Variants in P3H2 observed in about 807,000 individuals in gnomAD.
P3H2 encodes the protein leprecan-like 1.
P3H2 carries 80 observed loss-of-function variants against 87.0 expected under a neutral mutation model. The observed-to-expected ratio is 0.92, with a 90% CI of 0.77 to 1.11. P3H2 has a LOEUF of 1.11. P3H2 is among the 50% of genes least tolerant of loss of function. P3H2 has a pLI of 0.00. For missense variants in P3H2, 1,001 were observed against 923.9 expected, an observed-to-expected ratio of 1.08 and a Z score of -1.08; for synonymous variants, 367 against 359.3, an observed-to-expected ratio of 1.02 and a Z score of -0.24.
intron 1 of P3H2, among the ~76,000 whole-genome samples, chr3:190,079,970 G>C (rs1726991079): frequency 6.6e-6 from 1 of 152,166 alleles, no homozygotes; most frequent in Non-Finnish European, 1.5e-5. Flanking sequence ...GACAGTGCTT[G>C]TACAATAAAA....
chr3:190,077,786 G>A (rs10937420), intron 1 of P3H2, among the ~76,000 whole-genome samples: 34,281 of 152,014 alleles, frequency 0.23, 4,053 homozygotes, highest in African/African-American at 0.29. Flanking sequence ...ATGCAACTAC[G>A]CAAGCCTGTG....
intron 1 of P3H2, among the ~76,000 whole-genome samples, chr3:190,055,962 G>A (rs895354705): frequency 1.1e-4 from 17 of 152,180 alleles, no homozygotes; most frequent in African/African-American, 3.6e-4. Context: ...TAACTTCAGC[G>A]TGGCTGTATT....
intron 13 of P3H2, chr3:189,969,846 T>A: frequency 2.0e-6 from 3 of 1,510,000 alleles, no homozygotes; most frequent in Non-Finnish European, 1.8e-6. Flanking sequence ...GCAGTGGTGG[T>A]GGTGCTTGAG....
At chr3:190,094,104 C>T (rs541940307) in intron 1 of P3H2, among the ~76,000 whole-genome samples, 2 of 152,290 alleles carry the variant, frequency 1.3e-5, no homozygotes, top group South Asian at 2.1e-4. Context: ...AAACCAGAAT[C>T]GAGAATGTGT....
At chr3:190,022,768 T>C (rs1724962595) in intron 1 of P3H2, among the ~76,000 whole-genome samples, 1 of 152,164 alleles carries the variant, frequency 6.6e-6, no homozygotes, top group Non-Finnish European at 1.5e-5. Context: ...AGGTGACTGC[T>C]GGTCCCCTCC....
At chr3:190,052,264 C>T (rs1726006931) in intron 1 of P3H2, among the ~76,000 whole-genome samples, 1 of 151,938 alleles carries the variant, frequency 6.6e-6, no homozygotes, top group African/African-American at 2.4e-5. Flanking sequence ...CCGACAAGCC[C>T]CGGTGTGTGA....
intron 1 of P3H2, among the ~76,000 whole-genome samples, chr3:190,095,802 C>T (rs1319297140): frequency 6.6e-6 from 1 of 152,008 alleles, no homozygotes; most frequent in African/African-American, 2.4e-5. Context: ...CGGGGTTTCA[C>T]CATGTTAGCC....
intron 1 of P3H2, among the ~76,000 whole-genome samples, chr3:190,024,550 A>G (rs1206433269): frequency 1.4e-3 from 206 of 149,084 alleles, no homozygotes; most frequent in African/African-American, 4.0e-3. Flanking sequence ...AAAAAAAAAA[A>G]AAAGAAAGAA....
chr3:189,969,994 T>G, intron 13 of P3H2: 1 of 596,748 alleles, frequency 1.7e-6, no homozygotes, highest in South Asian at 2.0e-5. Context: ...GACCAAAGGA[T>G]GCTAACTATA....
chr3:189,960,595 G>A (rs1018517809), intron 14 of P3H2, among the ~76,000 whole-genome samples: 3 of 151,998 alleles, frequency 2.0e-5, no homozygotes, highest in African/African-American at 7.3e-5. Context: ...CTCAAACCAC[G>A]CATTTGCTGC....
At chr3:190,063,803 G>T (rs1726409442) in intron 1 of P3H2, among the ~76,000 whole-genome samples, 2 of 152,102 alleles carry the variant, frequency 1.3e-5, no homozygotes, top group Non-Finnish European at 1.5e-5. Flanking sequence ...TGCAGAAAAA[G>T]ATGGGGAGCA....
chr3:189,968,795 C>T (rs59649266), intron 13 of P3H2, among the ~76,000 whole-genome samples: 18,573 of 152,030 alleles, frequency 0.12, 1,445 homozygotes, highest in Middle Eastern at 0.25. Flanking sequence ...TTCTAACTGG[C>T]GTGAGATGGT....
At chr3:190,085,622 T>C (rs2108982244) in intron 1 of P3H2, among the ~76,000 whole-genome samples, 1 of 152,344 alleles carries the variant, frequency 6.6e-6, no homozygotes, top group South Asian at 2.1e-4. Context: ...AGCTTATTTT[T>C]CATTGCTCAA....
chr3:189,967,579 CT>C (rs1243008583), intron 13 of P3H2, among the ~76,000 whole-genome samples: 10 of 151,294 alleles, frequency 6.6e-5, no homozygotes, highest in Non-Finnish European at 1.0e-4. Flanking sequence ...AAAATGCTTC[CT>C]ACACTCAAGC....
chr3:190,004,572 C>T (rs1448771465), intron 1 of P3H2, among the ~76,000 whole-genome samples: 1 of 151,974 alleles, frequency 6.6e-6, no homozygotes, highest in Admixed American at 6.6e-5. Flanking sequence ...TTAGTAGAGA[C>T]GGGGTTTCAC....
At chr3:190,106,327 G>A (rs567784874) in intron 1 of P3H2, among the ~76,000 whole-genome samples, 87 of 152,264 alleles carry the variant, frequency 5.7e-4, no homozygotes, top group Non-Finnish European at 1.1e-3. Context: ...GGAGAGGCAG[G>A]TAAGTCTGTG....
At chr3:190,065,503 C>G (rs562755773) in intron 1 of P3H2, among the ~76,000 whole-genome samples, 13 of 152,194 alleles carry the variant, frequency 8.5e-5, no homozygotes, top group African/African-American at 3.1e-4. Flanking sequence ...AGGAGTTTCT[C>G]TTTTACAACA....
chr3:189,961,660 A>C (rs563568669), intron 14 of P3H2, among the ~76,000 whole-genome samples: 1 of 152,336 alleles, frequency 6.6e-6, no homozygotes, highest in South Asian at 2.1e-4. Flanking sequence ...CGTGTAGCAA[A>C]GAATGATTCA....
chr3:190,031,414 A>G (rs1265214885), intron 1 of P3H2, among the ~76,000 whole-genome samples: 1 of 142,186 alleles, frequency 7.0e-6, no homozygotes, highest in Admixed American at 7.4e-5. Flanking sequence ...AAGACAGGCT[A>G]ATCACCTGAG....
Sources: gnomAD v4.1 joint callset for allele counts (sites outside exome capture counted in the v4.1 genomes callset) on GRCh38, gnomAD v4.1.1 for gene constraint, MANE v1.5 for transcripts, NCBI Gene and HGNC (gene_info 2026-07-23, HGNC 2026-07-21) for gene names.